The following MAF variants were observed in gnomAD, a reference collection of about 807,000 sequenced individuals.
The protein encoded by MAF is transcription factor Maf.
A neutral mutation model predicts 22.0 loss-of-function variants in MAF; 10 were observed. That is an observed-to-expected ratio of 0.45 (90% CI 0.28 to 0.77). MAF has a LOEUF of 0.77. Among genes scored for constraint, MAF ranks in the 30% least tolerant of loss-of-function variants. The pLI, the probability that MAF is intolerant of heterozygous loss-of-function variation, is 0.12. For synonymous variants in MAF, 337 were observed against 255.8 expected (o/e 1.32, Z -3.03); for missense variants, 544 against 548.4 (o/e 0.99, Z 0.08).
the MAF span, among the ~76,000 whole-genome samples, chr16:79,518,380 A>T: frequency 6.6e-6 from 1 of 152,150 alleles, no homozygotes; most frequent in Non-Finnish European, 1.5e-5. Flanking sequence ...CTGGCTGGAG[A>T]AGTCATTAAC....
chr16:79,521,358 A>G, the MAF span, among the ~76,000 whole-genome samples: 1 of 152,236 alleles, frequency 6.6e-6, no homozygotes, highest in Non-Finnish European at 1.5e-5. Flanking sequence ...CAGAAAAAAG[A>G]AATATAGCAC....
the MAF span, among the ~76,000 whole-genome samples, chr16:79,542,877 G>T: frequency 6.6e-6 from 1 of 152,176 alleles, no homozygotes; most frequent in African/African-American, 2.4e-5. Flanking sequence ...ACATAAGTTA[G>T]ACTCTGGGTG....
chr16:79,484,653 C>A, the MAF span, among the ~76,000 whole-genome samples: 3 of 152,170 alleles, frequency 2.0e-5, no homozygotes, highest in Non-Finnish European at 2.9e-5. Flanking sequence ...TTATGATACC[C>A]CTCGTTGGTC....
At chr16:79,446,802 A>G in the MAF span, among the ~76,000 whole-genome samples, 37 of 152,124 alleles carry the variant, frequency 2.4e-4, no homozygotes, top group African/African-American at 8.9e-4. Context: ...CCAGCTACAC[A>G]GGTTGCGAGT....
the MAF span, among the ~76,000 whole-genome samples, chr16:79,379,089 G>C: frequency 6.6e-6 from 1 of 152,186 alleles, no homozygotes; most frequent in East Asian, 1.9e-4. Flanking sequence ...GTCAGCTTGT[G>C]ACAAAGCTTA....
the MAF span, among the ~76,000 whole-genome samples, chr16:79,427,786 G>C: frequency 6.6e-6 from 1 of 152,048 alleles, no homozygotes; most frequent in Non-Finnish European, 1.5e-5. Flanking sequence ...TGCTCTGCTC[G>C]TTGGTATAGC....
the MAF span, among the ~76,000 whole-genome samples, chr16:79,218,941 T>C: frequency 6.6e-6 from 1 of 152,216 alleles, no homozygotes; most frequent in Non-Finnish European, 1.5e-5. Flanking sequence ...CTGTGGTTCA[T>C]ACTGGCTTAG....
At chr16:79,399,725 C>T in the MAF span, among the ~76,000 whole-genome samples, 6 of 152,208 alleles carry the variant, frequency 3.9e-5, no homozygotes, top group African/African-American at 1.2e-4. Flanking sequence ...CATAGGAAGG[C>T]GGAATCATGC....
the MAF span, among the ~76,000 whole-genome samples, chr16:79,290,041 G>C: frequency 2.6e-5 from 4 of 152,092 alleles, no homozygotes; most frequent in African/African-American, 4.8e-5. Context: ...ATTTTTAGTA[G>C]AGACGGGGTT....
chr16:79,500,114 CG>C, the MAF span, among the ~76,000 whole-genome samples: 1 of 152,142 alleles, frequency 6.6e-6, no homozygotes, highest in African/African-American at 2.4e-5. Flanking sequence ...ACCATGACCC[CG>C]CTGACACCTC....
At chr16:79,509,632 T>C in the MAF span, among the ~76,000 whole-genome samples, 1 of 152,222 alleles carries the variant, frequency 6.6e-6, no homozygotes, top group Non-Finnish European at 1.5e-5. Context: ...CTGGGGATAT[T>C]GGCCAAGGCC....
the MAF span, among the ~76,000 whole-genome samples, chr16:79,483,651 G>A: frequency 1.3e-5 from 2 of 152,134 alleles, no homozygotes; most frequent in African/African-American, 4.8e-5. Context: ...AGCAGCAGAT[G>A]CAAAGATCCT....
chr16:79,517,740 A>T, the MAF span, among the ~76,000 whole-genome samples: 1 of 151,928 alleles, frequency 6.6e-6, no homozygotes, highest in Non-Finnish European at 1.5e-5. Flanking sequence ...ATGCCCGGCT[A>T]ATTTTTGTAT....
At chr16:79,225,731 C>T in the MAF span, among the ~76,000 whole-genome samples, 37 of 152,296 alleles carry the variant, frequency 2.4e-4, no homozygotes, top group African/African-American at 7.9e-4. Context: ...TATAAACAGA[C>T]ACTTCTCAAA....
chr16:79,220,973 G>T, the MAF span, among the ~76,000 whole-genome samples: 1 of 152,350 alleles, frequency 6.6e-6, no homozygotes, highest in East Asian at 1.9e-4. Flanking sequence ...AACCAAGACA[G>T]AAGAGGACAG....
the MAF span, among the ~76,000 whole-genome samples, chr16:79,320,498 G>A: frequency 6.6e-6 from 1 of 152,182 alleles, no homozygotes; most frequent in African/African-American, 2.4e-5. Flanking sequence ...GAGGGCAGCA[G>A]CACCTGCAGA....
the MAF span, among the ~76,000 whole-genome samples, chr16:79,250,418 G>C: frequency 6.6e-6 from 1 of 152,220 alleles, no homozygotes; most frequent in African/African-American, 2.4e-5. Flanking sequence ...CTGCGGAGAG[G>C]TCATCTCACC....
At chr16:79,471,336 T>A in the MAF span, among the ~76,000 whole-genome samples, 1 of 152,246 alleles carries the variant, frequency 6.6e-6, no homozygotes, top group Non-Finnish European at 1.5e-5. Context: ...CACTCCCTGT[T>A]ATTTTTTCAC....
At chr16:79,484,952 G>C in the MAF span, among the ~76,000 whole-genome samples, 3 of 152,208 alleles carry the variant, frequency 2.0e-5, no homozygotes, top group African/African-American at 7.2e-5. Flanking sequence ...CCTTGGACCT[G>C]CCATTAGAAG....
Sources: allele counts gnomAD v4.1 joint callset (sites outside exome capture counted in the v4.1 genomes callset), GRCh38; gene constraint gnomAD v4.1.1; transcripts MANE v1.5; gene names NCBI Gene and HGNC (gene_info 2026-07-23, HGNC 2026-07-21).